ZDHHC21: variants seen among roughly 807,000 people sequenced by gnomAD.
ZDHHC21 encodes zDHHC palmitoyltransferase 21.
A neutral mutation model predicts 34.6 loss-of-function variants in ZDHHC21; 15 were observed. The ratio of observed to expected loss-of-function variants is 0.43; its 90% CI spans 0.29 to 0.67. The LOEUF (loss-of-function observed/expected upper bound fraction) is 0.67. ZDHHC21 is among the 30% of genes least tolerant of loss of function. The pLI is 0.14. For synonymous variants in ZDHHC21, 142 were observed against 101.8 expected (o/e 1.40, Z -2.38); for missense variants, 344 against 327.7 (o/e 1.05, Z -0.38).
chr9:14,658,614 G>A (rs1176082708), intron 7 of ZDHHC21, 135 bp downstream of exon 7: 4 of 577,194 alleles, frequency 6.9e-6, no homozygotes, highest in Admixed American at 3.2e-5. Flanking sequence ...TGGGACTACA[G>A]GCGCCCGCCA....
At chr9:14,683,755 G>C (rs901807206) in intron 2 of ZDHHC21, 4 of 152,144 alleles carry the variant, frequency 2.6e-5, no homozygotes, top group Non-Finnish European at 5.9e-5. Flanking sequence ...CAAAAAAAGA[G>C]AATTTTAGAC....
chr9:14,609,594 T>C (rs1823136520), downstream of ZDHHC21, among the ~76,000 whole-genome samples: 2 of 152,074 alleles, frequency 1.3e-5, no homozygotes. Context: ...ACAAGATCAG[T>C]GGTAATATTA....
In ZDHHC21 at chr9:14,613,882, T is replaced by A. The variant is rs1238026935; in HGVS notation, c.*5084A>T. 6.6e-6 allele frequency: 1 copy of A among 151,708 alleles called. No individual in the cohort carries two copies. The highest frequency in any genetic ancestry group is 2.4e-5 in the African/African-American group (1 of 41,376). The allele number at this position is 151,708 out of a possible 1,614,324, so 9.4% of individuals were successfully genotyped here. On this transcript the variant is annotated 3_prime_UTR_variant, in exon 10 of 10. Coordinates refer to ENST00000380916, the MANE Select transcript of ZDHHC21 (RefSeq NM_178566.6). Reference sequence around the variant, plus strand: ...TTCTCCTCTGCATTAAATAGCTGAGTTTTCCACATTATTTTTAACACTTCA... The same window carrying A: ...TTCTCCTCTGCATTAAATAGCTGAGATTTCCACATTATTTTTAACACTTCA...
chr9:14,600,226 G>A, the ZDHHC21 span, among the ~76,000 whole-genome samples: 1 of 152,196 alleles, frequency 6.6e-6, no homozygotes, highest in African/African-American at 2.4e-5. Flanking sequence ...GTCTCTGTTT[G>A]CAGATGACAT....
intron 4 of ZDHHC21, 116 bp downstream of exon 4, chr9:14,674,071 G>C (rs898029359): frequency 1.8e-6 from 1 of 552,900 alleles, no homozygotes; most frequent in Non-Finnish European, 2.9e-6. Context: ...AATATTGACA[G>C]CACTGCTAAA....
chr9:14,656,478 G>A (rs1165764029), intron 7 of ZDHHC21, among the ~76,000 whole-genome samples: 1 of 151,730 alleles, frequency 6.6e-6, no homozygotes, highest in African/African-American at 2.4e-5. Flanking sequence ...AAAACATTGA[G>A]ATAATATATC....
At chr9:14,635,185 A>G (rs992607474) in intron 8 of ZDHHC21, among the ~76,000 whole-genome samples, 1 of 152,224 alleles carries the variant, frequency 6.6e-6, no homozygotes, top group Non-Finnish European at 1.5e-5. Flanking sequence ...GACATATTGA[A>G]TACCATGAAG....
At chr9:14,619,754 T>TG in intron 8 of ZDHHC21, 72 bp from the exon 9 acceptor site, 3 of 901,792 alleles carry the variant, frequency 3.3e-6, no homozygotes, top group Non-Finnish European at 4.7e-6. Context: ...CACTCTATCA[T>TG]GTTTTTAATC....
In ZDHHC21 at chr9:14,611,628, G is replaced by C. The variant is rs538286083; in HGVS notation, c.*7338C>G. On this transcript the variant is annotated 3_prime_UTR_variant, in exon 10 of 10. Transcript: ENST00000380916. ...GGGATATAATACTAGACAGAACTTG[G>C]GGTTCACACATAATTTTAGGAGCCT... The C allele has an allele frequency of 6.6e-6, 1 of 151,816 alleles. No homozygotes were observed. Among genetic ancestry groups the C allele is most frequent in the East Asian group, 1.9e-4 (1 of 5,184 alleles). The allele number at this position is 151,816 out of a possible 1,614,324, so 9.4% of individuals were successfully genotyped here.
At chr9:14,605,598 A>G in the ZDHHC21 span, among the ~76,000 whole-genome samples, 6 of 152,096 alleles carry the variant, frequency 3.9e-5, no homozygotes, top group Non-Finnish European at 7.4e-5. Flanking sequence ...ACCTCTTAGC[A>G]AATATGTGGT....
chr9:14,660,932 C>G (rs1399502873), intron 6 of ZDHHC21, among the ~76,000 whole-genome samples: 1 of 152,128 alleles, frequency 6.6e-6, no homozygotes, highest in African/African-American at 2.4e-5. Flanking sequence ...CAGCAATTAT[C>G]TGAATACATG....
chr9:14,627,410 T>G (rs959274410), intron 8 of ZDHHC21, among the ~76,000 whole-genome samples: 11 of 152,210 alleles, frequency 7.2e-5, no homozygotes, highest in African/African-American at 2.7e-4. Context: ...TTGAAAAGCT[T>G]TGATTTAAGC....
At chr9:14,650,449 G>C (rs1238597974) in intron 7 of ZDHHC21, among the ~76,000 whole-genome samples, 1 of 151,806 alleles carries the variant, frequency 6.6e-6, no homozygotes, top group Non-Finnish European at 1.5e-5. Flanking sequence ...AGCTAAATGT[G>C]TATTTTAGCA....
Position 14,614,524 on chromosome 9 carries a change from T to C in ZDHHC21, c.*4442A>G, listed in dbSNP as rs138824604. 22 of 151,850 alleles carry C rather than the reference T, an allele frequency of 1.4e-4. No homozygotes were observed. The highest frequency in any genetic ancestry group is 3.4e-4 in the African/African-American group (14 of 41,548). 9.4% of individuals were successfully genotyped at this position (151,850 alleles called of 1,614,324 possible). A position where few individuals can be genotyped will look rare whatever the true frequency, so the allele number is the denominator to read the frequency against. ...ATAGAATTACAACACTGGTTCAAAA[T>C]AGTTCAAGCAAGTTGGTTCTAATAC... On this transcript the variant is annotated 3_prime_UTR_variant, in exon 10 of 10. Coordinates refer to ENST00000380916, the MANE Select transcript of ZDHHC21 (RefSeq NM_178566.6).
At chr9:14,609,123 A>C (rs891527080), downstream of ZDHHC21, among the ~76,000 whole-genome samples, 14 of 152,116 alleles carry the variant, frequency 9.2e-5, no homozygotes, top group African/African-American at 3.4e-4. Flanking sequence ...ATTAAACCAC[A>C]CTATCGCTTA....
intron 2 of ZDHHC21, among the ~76,000 whole-genome samples, chr9:14,688,285 A>AAGCAGCGCCTCCAAAATGCT (rs1188791293): frequency 1.3e-5 from 2 of 150,924 alleles, no homozygotes; most frequent in Non-Finnish European, 2.9e-5. Flanking sequence ...TTGACTGGCA[A>AAGCAGCGCCTCCAAAATGCT]AGCAGCGCCT....
intron 3 of ZDHHC21, among the ~76,000 whole-genome samples, chr9:14,675,847 AG>A (rs1460840255): frequency 9.2e-5 from 14 of 151,984 alleles, no homozygotes; most frequent in Non-Finnish European, 2.1e-4. Context: ...CAGTCTTAGA[AG>A]GTTAGTAAAA....
At chr9:14,681,171 A>G (rs946846985) in intron 2 of ZDHHC21, among the ~76,000 whole-genome samples, 1 of 152,186 alleles carries the variant, frequency 6.6e-6, no homozygotes, top group South Asian at 2.1e-4. Context: ...AAGTTTAAGG[A>G]AGTGATATTT....
At chr9:14,661,385 C>T (rs1034491768) in intron 6 of ZDHHC21, among the ~76,000 whole-genome samples, 23 of 152,116 alleles carry the variant, frequency 1.5e-4, no homozygotes, top group African/African-American at 5.3e-4. Flanking sequence ...TTAAGAGGCT[C>T]ATTATGTAAA....
Sources: allele counts gnomAD v4.1 joint callset (sites outside exome capture counted in the v4.1 genomes callset), GRCh38; gene constraint gnomAD v4.1.1; transcripts MANE v1.5; gene names NCBI Gene and HGNC (gene_info 2026-07-23, HGNC 2026-07-21).